Variants in STAG1 observed in about 807,000 individuals in gnomAD.
STAG1 encodes the protein cohesin subunit SA-1.
In STAG1, 26 loss-of-function variants were observed where a neutral mutation model predicts 170.9. That is an observed-to-expected ratio of 0.15 (90% CI 0.11 to 0.21). The LOEUF (loss-of-function observed/expected upper bound fraction) is 0.21, where lower values mean the gene tolerates loss of function less well. Among genes scored for constraint, STAG1 ranks in the 10% least tolerant of loss-of-function variants. STAG1 has a pLI of 1.00. For synonymous variants in STAG1, 514 were observed against 497.7 expected (o/e 1.03, Z -0.44); for missense variants, 964 against 1,509.5 (o/e 0.64, Z 5.99).
intron 10 of STAG1, among the ~76,000 whole-genome samples, chr3:136,474,611 C>T (rs1247338140): frequency 6.6e-6 from 1 of 152,180 alleles, no homozygotes; most frequent in African/African-American, 2.4e-5. Flanking sequence ...TATGGAGATG[C>T]ATAATCACTC....
intron 1 of STAG1, among the ~76,000 whole-genome samples, chr3:136,749,898 T>C (rs957728136): frequency 6.7e-6 from 1 of 148,370 alleles, no homozygotes; most frequent in African/African-American, 2.4e-5. Flanking sequence ...AGTGTGAAAT[T>C]TGTTATGCAT....
chr3:136,488,045 C>A (rs1260846587), intron 9 of STAG1, among the ~76,000 whole-genome samples: 1 of 152,208 alleles, frequency 6.6e-6, no homozygotes, highest in Non-Finnish European at 1.5e-5. Context: ...TGATTGTAAT[C>A]TTATGAGAGA....
chr3:136,515,493 A>G (rs1009513077), intron 7 of STAG1, among the ~76,000 whole-genome samples: 9 of 152,356 alleles, frequency 5.9e-5, no homozygotes, highest in African/African-American at 1.7e-4. Flanking sequence ...AAGCTTCCCA[A>G]TACTACCACG....
chr3:136,382,893 G>C (rs902205032), intron 22 of STAG1, among the ~76,000 whole-genome samples: 4 of 152,132 alleles, frequency 2.6e-5, no homozygotes, highest in Non-Finnish European at 4.4e-5. Context: ...GGGTAAATAA[G>C]CACAGATATT....
chr3:136,622,919 A>G (rs935873643), intron 3 of STAG1, among the ~76,000 whole-genome samples: 22 of 152,322 alleles, frequency 1.4e-4, no homozygotes, highest in African/African-American at 5.3e-4. Flanking sequence ...CTTCACATGG[A>G]CTACCATTTA....
intron 1 of STAG1, among the ~76,000 whole-genome samples, chr3:136,734,703 G>A (rs1257032232): frequency 6.6e-6 from 1 of 152,042 alleles, no homozygotes; most frequent in Admixed American, 6.6e-5. Flanking sequence ...TGTTGCTTTA[G>A]GGGTGTTTTT....
intron 5 of STAG1, among the ~76,000 whole-genome samples, chr3:136,551,985 T>G (rs1936427059): frequency 6.6e-6 from 1 of 152,144 alleles, no homozygotes; most frequent in Non-Finnish European, 1.5e-5. Context: ...TATTCCAATC[T>G]CTTATTTTAT....
chr3:136,520,974 C>A (rs1934642913), intron 7 of STAG1, among the ~76,000 whole-genome samples: 1 of 152,110 alleles, frequency 6.6e-6, no homozygotes, highest in African/African-American at 2.4e-5. Flanking sequence ...TAAGGATGTA[C>A]ATTAGTAACT....
At position 136,549,397 on chromosome 3, in the gene STAG1, G is replaced by A. The variant is rs577710734; in HGVS notation, c.395-7202C>T. On this transcript the variant is annotated intron_variant, in intron 5 of 33. Transcript: ENST00000383202. ...ATGATCTCGGCTCACTGCAACCTCC[G>A]TCTCCCAGGTTCAAGCAATTCTCCT... Among the ~76,000 whole-genome samples the A allele has an allele frequency of 2.4e-4, 36 of 151,382 alleles. No individual in the cohort carries two copies. In the South Asian group the frequency reaches 6.5e-3, roughly 27 times the overall value.
In STAG1 at chr3:136,634,613, G is replaced by GA. The variant is rs71157395; in HGVS notation, c.-83-3633dup. On this transcript the variant is annotated intron_variant, in intron 1 of 33. Coordinates refer to ENST00000383202, the MANE Select transcript of STAG1 (RefSeq NM_005862.3). ...CAGTTGTAAAAATCAAGCTTTTAGG[G>GA]AAAAAAAAAAAAAAAGCTCAAATAA... 9.7e-3 allele frequency among the ~76,000 whole-genome samples: 1,098 copies of GA among 112,800 alleles called. 55 individuals carry two copies. The East Asian group carries it at 0.19, about 19-fold the overall frequency. The allele number at this position is 112,800 out of a possible 152,430, so 74.0% of individuals were successfully genotyped here. A position where few individuals can be genotyped will look rare whatever the true frequency, so the allele number is the denominator to read the frequency against.
chr3:136,449,468 G>C (rs1441001850), intron 14 of STAG1, among the ~76,000 whole-genome samples: 1 of 151,842 alleles, frequency 6.6e-6, no homozygotes, highest in Non-Finnish European at 1.5e-5. Flanking sequence ...GATAAAGTAT[G>C]AGAATTGCTT....
At chr3:136,621,630 A>G (rs1455878476) in intron 3 of STAG1, among the ~76,000 whole-genome samples, 1 of 152,200 alleles carries the variant, frequency 6.6e-6, no homozygotes, top group Non-Finnish European at 1.5e-5. Context: ...CCTTTAAATA[A>G]AAGTAGAGGA....
At chr3:136,438,496 A>AT (rs1347080193) in intron 15 of STAG1, among the ~76,000 whole-genome samples, 2 of 152,086 alleles carry the variant, frequency 1.3e-5, no homozygotes, top group Non-Finnish European at 2.9e-5. Context: ...AAGTGCTAGG[A>AT]TTAAAGGCAT....
intron 29 of STAG1, among the ~76,000 whole-genome samples, chr3:136,348,238 G>C (rs1345789065): frequency 6.6e-6 from 1 of 151,608 alleles, no homozygotes; most frequent in Non-Finnish European, 1.5e-5. Flanking sequence ...TTACTTTGAG[G>C]CTTCTCTTAG....
intron 14 of STAG1, among the ~76,000 whole-genome samples, chr3:136,448,853 C>A (rs529176075): frequency 6.6e-6 from 1 of 151,876 alleles, no homozygotes; most frequent in South Asian, 2.1e-4. Flanking sequence ...ACAGGAGAAT[C>A]GCTTGAACCC....
intron 1 of STAG1, among the ~76,000 whole-genome samples, chr3:136,702,448 G>A (rs868803535): frequency 2.0e-5 from 3 of 152,014 alleles, no homozygotes; most frequent in African/African-American, 4.8e-5. Flanking sequence ...GTGCAATGGC[G>A]CGATCTCGGC....
chr3:136,456,068 G>C (rs899850377), intron 13 of STAG1, among the ~76,000 whole-genome samples: 1 of 152,188 alleles, frequency 6.6e-6, no homozygotes, highest in South Asian at 2.1e-4. Context: ...TTGCAAAAAA[G>C]TGGAAGCGGT....
In STAG1 at chr3:136,736,940, C is replaced by G. The variant is rs1199044861; in HGVS notation, c.-84+15255G>C. The G allele has an allele frequency of 1.9e-6, 3 of 1,594,604 alleles. No homozygotes were observed. In the African/African-American group the frequency reaches 4.0e-5, roughly 21 times the overall value. ...TCTAGTAGCAACTTGTAAGCTTTGT[C>G]CACAGCCTCAAAAGCCTTTTGTGCT... On this transcript the variant is annotated intron_variant, in intron 1 of 33. Coordinates refer to ENST00000383202, the MANE Select transcript of STAG1 (RefSeq NM_005862.3).
chr3:136,436,722 A>G (rs2088472668), intron 15 of STAG1, among the ~76,000 whole-genome samples: 1 of 152,220 alleles, frequency 6.6e-6, no homozygotes, highest in Non-Finnish European at 1.5e-5. Flanking sequence ...ATTAATTTAC[A>G]AAGGTTTAAA....
Sources: gnomAD v4.1 joint callset for allele counts (sites outside exome capture counted in the v4.1 genomes callset) on GRCh38, gnomAD v4.1.1 for gene constraint, MANE v1.5 for transcripts, NCBI Gene and HGNC (gene_info 2026-07-23, HGNC 2026-07-21) for gene names.